The following LHFPL3 variants were observed in gnomAD, a reference collection of about 807,000 sequenced individuals.
LHFPL3 encodes the protein LHFPL tetraspan subfamily member 3 protein.
In LHFPL3, 5 loss-of-function variants were observed where a neutral mutation model predicts 19.3. The ratio of observed to expected loss-of-function variants is 0.26; its 90% CI spans 0.14 to 0.54. LHFPL3 has a LOEUF of 0.54. Ranked by LOEUF, LHFPL3 falls within the 20% of genes least tolerant of loss-of-function variation. LHFPL3 has a pLI of 0.94. For missense variants in LHFPL3, 249 were observed against 307.4 expected, an observed-to-expected ratio of 0.81 and a Z score of 1.42; for synonymous variants, 133 against 126.2, an observed-to-expected ratio of 1.05 and a Z score of -0.36.
intron 1 of LHFPL3, among the ~76,000 whole-genome samples, chr7:104,689,588 C>A (rs759739270): frequency 6.6e-6 from 1 of 152,182 alleles, no homozygotes; most frequent in Non-Finnish European, 1.5e-5. Context: ...CCCCACTACA[C>A]TACTGACAAT....
chr7:104,828,876 A>G (rs536982248), intron 2 of LHFPL3, among the ~76,000 whole-genome samples: 2 of 151,724 alleles, frequency 1.3e-5, no homozygotes, highest in Non-Finnish European at 2.9e-5. Context: ...CTCCACTAAA[A>G]ATACAAAAAT....
intron 1 of LHFPL3, among the ~76,000 whole-genome samples, chr7:104,638,287 G>A (rs1218482023): frequency 6.6e-6 from 1 of 152,116 alleles, no homozygotes; most frequent in African/African-American, 2.4e-5. Flanking sequence ...GAGCTTTTGG[G>A]CAGAGACTAT....
intron 1 of LHFPL3, among the ~76,000 whole-genome samples, chr7:104,340,312 A>C (rs1789921745): frequency 6.6e-6 from 1 of 152,208 alleles, no homozygotes; most frequent in African/African-American, 2.4e-5. Flanking sequence ...GATAGAGTGA[A>C]ATTAAAGCAG....
At chr7:104,822,495 T>C (rs1562803754) in intron 2 of LHFPL3, among the ~76,000 whole-genome samples, 2 of 152,162 alleles carry the variant, frequency 1.3e-5, no homozygotes, top group East Asian at 3.9e-4. Context: ...CTGTGCATTG[T>C]AGGATGTTTG....
intron 1 of LHFPL3, among the ~76,000 whole-genome samples, chr7:104,638,813 A>G (rs1212533815): frequency 6.7e-6 from 1 of 148,220 alleles, no homozygotes; most frequent in Non-Finnish European, 1.5e-5. Context: ...CCCAGGCTGG[A>G]GTGCAGTGGC....
At chr7:104,904,733 C>CCAAATATGGCACACCGTGACCAGCTAG (rs1224953051) in intron 2 of LHFPL3, among the ~76,000 whole-genome samples, 1 of 152,014 alleles carries the variant, frequency 6.6e-6, no homozygotes, top group East Asian at 1.9e-4. Flanking sequence ...TCCTTTTGGC[C>CCAAATATGGCACACCGTGACCAGCTAG]CAAATATGGC....
chr7:104,893,758 C>T (rs1792298562), intron 2 of LHFPL3, among the ~76,000 whole-genome samples: 1 of 152,038 alleles, frequency 6.6e-6, no homozygotes, highest in Non-Finnish European at 1.5e-5. Flanking sequence ...TCGAGACCAG[C>T]CTAGCCAACA....
At chr7:104,626,073 T>C (rs1045333025) in intron 1 of LHFPL3, among the ~76,000 whole-genome samples, 5 of 152,348 alleles carry the variant, frequency 3.3e-5, no homozygotes, top group African/African-American at 9.6e-5. Flanking sequence ...ATTTCTTTCA[T>C]ATAAATAAGA....
intron 1 of LHFPL3, among the ~76,000 whole-genome samples, chr7:104,731,990 T>G (rs1489054758): frequency 6.6e-6 from 1 of 152,200 alleles, no homozygotes; most frequent in Non-Finnish European, 1.5e-5. Context: ...ATCATGTGTT[T>G]TTTGTCTTTG....
At chr7:104,372,553 G>C (rs892624918) in intron 1 of LHFPL3, among the ~76,000 whole-genome samples, 27 of 152,138 alleles carry the variant, frequency 1.8e-4, no homozygotes, top group African/African-American at 6.0e-4. Flanking sequence ...GAGAAGCTCT[G>C]ATCCTCAAAA....
intron 1 of LHFPL3, among the ~76,000 whole-genome samples, chr7:104,453,997 G>A (rs894462693): frequency 3.3e-5 from 5 of 152,164 alleles, no homozygotes; most frequent in East Asian, 1.9e-4. Flanking sequence ...TAAACTACCC[G>A]GGCTCAGATA....
intron 1 of LHFPL3, among the ~76,000 whole-genome samples, chr7:104,650,581 A>G (rs1343009164): frequency 6.6e-6 from 1 of 151,754 alleles, no homozygotes; most frequent in Non-Finnish European, 1.5e-5. Flanking sequence ...GCATTCCTTG[A>G]TGACAGCATT....
At chr7:104,619,475 T>C (rs767231049) in intron 1 of LHFPL3, among the ~76,000 whole-genome samples, 5 of 152,210 alleles carry the variant, frequency 3.3e-5, no homozygotes, top group Non-Finnish European at 5.9e-5. Context: ...TTCTTCCATA[T>C]AATTCAATTA....
intron 1 of LHFPL3, among the ~76,000 whole-genome samples, chr7:104,561,065 G>T (rs977499095): frequency 7.2e-5 from 11 of 151,926 alleles, no homozygotes; most frequent in Admixed American, 2.0e-4. Context: ...TATAATTTCT[G>T]TTCTTTTACA....
intron 1 of LHFPL3, among the ~76,000 whole-genome samples, chr7:104,617,798 T>C (rs373074037): frequency 6.6e-6 from 1 of 152,210 alleles, no homozygotes; most frequent in Non-Finnish European, 1.5e-5. Context: ...CCATAGTTTG[T>C]TGAAGATAAA....
chr7:104,656,337 G>A lies in LHFPL3; in HGVS notation c.446-80338G>A, dbSNP rs557780790. Among the ~76,000 whole-genome samples the A allele has an allele frequency of 6.6e-5, 10 of 152,282 alleles. No individual in the cohort carries two copies. The South Asian group carries it at 2.1e-3, about 32-fold the overall frequency. Reference sequence around the variant, plus strand: ...CCATTAGCCTAGTGAGGCCTGAGGAGGCCTGGTGTAGGCCAGAGAGGAGGG... The same window carrying A: ...CCATTAGCCTAGTGAGGCCTGAGGAAGCCTGGTGTAGGCCAGAGAGGAGGG... On this transcript the variant is annotated intron_variant, in intron 1 of 2. Transcript: ENST00000424859.
chr7:104,450,388 A>C (rs1203637606), intron 1 of LHFPL3, among the ~76,000 whole-genome samples: 1 of 152,232 alleles, frequency 6.6e-6, no homozygotes, highest in African/African-American at 2.4e-5. Flanking sequence ...GGCATTCCAT[A>C]GTGTATATGT....
intron 2 of LHFPL3, among the ~76,000 whole-genome samples, chr7:104,877,295 T>C (rs181134989): frequency 2.0e-5 from 3 of 152,242 alleles, no homozygotes; most frequent in African/African-American, 7.2e-5. Context: ...AATTGAGGAT[T>C]ACTGGGTTAA....
intron 1 of LHFPL3, among the ~76,000 whole-genome samples, chr7:104,457,156 A>G (rs572002916): frequency 4.1e-4 from 62 of 152,212 alleles, no homozygotes; most frequent in African/African-American, 1.4e-3. Flanking sequence ...TTTAGGGTAC[A>G]TGTGCACAAT....
Sources: allele counts gnomAD v4.1 joint callset (sites outside exome capture counted in the v4.1 genomes callset), GRCh38; gene constraint gnomAD v4.1.1; transcripts MANE v1.5; gene names NCBI Gene and HGNC (gene_info 2026-07-23, HGNC 2026-07-21).